ARCN1: variants seen among roughly 807,000 people sequenced by gnomAD.
ARCN1 encodes coatomer subunit delta.
A neutral mutation model predicts 60.4 loss-of-function variants in ARCN1; 5 were observed. That is an observed-to-expected ratio of 0.08 (90% confidence interval 0.04 to 0.17). The LOEUF (loss-of-function observed/expected upper bound fraction) is 0.17. Ranked by LOEUF, ARCN1 falls within the 10% of genes least tolerant of loss-of-function variation. The probability of loss-of-function intolerance (pLI) is 1.00; values close to 1 mark genes in which losing one functional copy is unlikely to be tolerated. For synonymous variants in ARCN1, 224 were observed against 220.0 expected, an observed-to-expected ratio of 1.02 and a Z score of -0.16; for missense variants, 464 against 626.5, an observed-to-expected ratio of 0.74 and a Z score of 2.77.
chr11:118,591,734 T>G (rs1938914658), intron 6 of ARCN1, among the ~76,000 whole-genome samples: 1 of 142,436 alleles, frequency 7.0e-6, no homozygotes, highest in Non-Finnish European at 1.5e-5. Flanking sequence ...TTGTTCTTTT[T>G]TTTGTTTTTT....
chr11:118,580,870 C>T (rs1555074432), intron 1 of ARCN1, among the ~76,000 whole-genome samples: 2 of 152,110 alleles, frequency 1.3e-5, no homozygotes, highest in African/African-American at 2.4e-5. Flanking sequence ...TGGTAGTTCA[C>T]GCCTATAATC....
At chr11:118,594,712 G>A (rs188141749) in intron 8 of ARCN1, among the ~76,000 whole-genome samples, 31 of 152,172 alleles carry the variant, frequency 2.0e-4, no homozygotes, top group African/African-American at 7.0e-4. Flanking sequence ...ATCATGCCCA[G>A]ATAATTTTTG....
Position 118,601,928 on chromosome 11 carries a change from C to T in ARCN1, c.*1214C>T, listed in dbSNP as rs1555078218. On this transcript the variant is annotated 3_prime_UTR_variant, in exon 10 of 10. Coordinates refer to ENST00000264028, the MANE Select transcript of ARCN1 (RefSeq NM_001655.5). Reference sequence around the variant, plus strand: ...CACATTTTGGGTACTTAAGCTAAAACGTAATGGCCACAGTCTGTAATCCAT... The same window carrying T: ...CACATTTTGGGTACTTAAGCTAAAATGTAATGGCCACAGTCTGTAATCCAT... The T allele has an allele frequency of 5.2e-6, 3 of 579,264 alleles. No individual in the cohort carries two copies. Among genetic ancestry groups the T allele is most frequent in the South Asian group, 2.1e-5 (1 of 47,450 alleles). The allele number at this position is 579,264 out of a possible 1,614,324, so 35.9% of individuals were successfully genotyped here.
chr11:118,584,030 C>A lies in ARCN1; in HGVS notation c.653+16C>A, dbSNP rs782263270. 6.2e-6 allele frequency: 10 copies of A among 1,610,784 alleles called. No homozygotes were observed. The highest frequency in any genetic ancestry group is 8.5e-6 in the Non-Finnish European group (10 of 1,177,428). ...CACCAGCCAGGTATAATCCAGTGTA[C>A]TTTAGAATACCAGGTGAAGGGTGTA... On this transcript the variant is annotated intron_variant, in intron 4 of 9. Transcript: ENST00000264028.
Position 118,602,295 on chromosome 11 carries a change from G to C in ARCN1, c.*1581G>C, listed in dbSNP as rs1284980954. ...TGTCATCATGTACTGGTGGTTTCTC[G>C]GTTCCATCTCATCCATTTCCTTTTC... On this transcript the variant is annotated 3_prime_UTR_variant, in exon 10 of 10. Coordinates refer to ENST00000264028, the MANE Select transcript of ARCN1 (RefSeq NM_001655.5). 1 of 153,954 alleles carries C rather than the reference G, an allele frequency of 6.5e-6. No individual in the cohort carries two copies. Among genetic ancestry groups the C allele is most frequent in the East Asian group, 1.9e-4 (1 of 5,210 alleles). The allele number at this position is 153,954 out of a possible 1,614,324, so 9.5% of individuals were successfully genotyped here.
rs1012958741 is a variant in ARCN1 at position 118,572,465 on chromosome 11, G to C, written c.-83G>C. 1 of 1,496,276 alleles carries C rather than the reference G, an allele frequency of 6.7e-7. No individual in the cohort carries two copies. The highest frequency in any genetic ancestry group is 9.2e-7 in the Non-Finnish European group (1 of 1,090,616). 92.7% of individuals were successfully genotyped at this position (1,496,276 alleles called of 1,614,324 possible). On this transcript the variant is annotated 5_prime_UTR_variant, in exon 1 of 10. Transcript: ENST00000264028. ...CTGTCAAGGGGGCAGCAGGTCCAGA[G>C]CTGCTGGTGCTCCCGTTCCCCAGAC...
intron 2 of ARCN1, among the ~76,000 whole-genome samples, chr11:118,581,937 G>GACAGACAGACAC (rs1555074708): frequency 7.1e-6 from 1 of 140,704 alleles, no homozygotes; most frequent in African/African-American, 2.6e-5. Context: ...CAGACAGACA[G>GACAGACAGACAC]ACACACACAC....
intron 8 of ARCN1, among the ~76,000 whole-genome samples, chr11:118,596,555 T>C (rs987047122): frequency 7.2e-5 from 11 of 152,232 alleles, no homozygotes; most frequent in Non-Finnish European, 1.2e-4. Context: ...CTGAAATTGA[T>C]AGGGAAGAGT....
Position 118,599,095 on chromosome 11 carries a change from A to AT in ARCN1, c.1446+1198dup, listed in dbSNP as rs565005021. 2.7e-3 allele frequency among the ~76,000 whole-genome samples: 313 copies of AT among 117,280 alleles called. 3 individuals are homozygous for AT. The highest frequency in any genetic ancestry group is 0.017 in the East Asian group (66 of 3,900). 76.9% of individuals were successfully genotyped at this position (117,280 alleles called of 152,430 possible). A position where few individuals can be genotyped will look rare whatever the true frequency, so the allele number is the denominator to read the frequency against. ...AGGCGTGAACTACCACGCCTGGCGG[A>AT]TTTTTTTTTTTTTTAAGACGGAGTT... On this transcript the variant is annotated intron_variant, in intron 9 of 9. Coordinates refer to ENST00000264028, the MANE Select transcript of ARCN1 (RefSeq NM_001655.5).
At chr11:118,593,982 G>C (rs1555076760) in intron 8 of ARCN1, 2 of 252,876 alleles carry the variant, frequency 7.9e-6, no homozygotes, top group African/African-American at 2.2e-5. Flanking sequence ...GAATGTTCTA[G>C]GACTTGTGTT....
intron 5 of ARCN1, among the ~76,000 whole-genome samples, chr11:118,588,320 T>A (rs932230747): frequency 2.0e-5 from 3 of 152,148 alleles, no homozygotes; most frequent in Non-Finnish European, 4.4e-5. Context: ...TGCCTTGGGC[T>A]GGTGAAAGGA....
intron 8 of ARCN1, among the ~76,000 whole-genome samples, chr11:118,597,475 AAT>A (rs1243496354): frequency 6.6e-6 from 1 of 152,212 alleles, no homozygotes; most frequent in Non-Finnish European, 1.5e-5. Context: ...ATATCTGCCA[AAT>A]ACCTATTTTT....
chr11:118,572,473 T>A lies in ARCN1; in HGVS notation c.-75T>A. 6.5e-7 allele frequency: 1 copy of A among 1,541,502 alleles called. No individual in the cohort carries two copies. The highest frequency in any genetic ancestry group is 8.9e-7 in the Non-Finnish European group (1 of 1,128,188). ...GGGGCAGCAGGTCCAGAGCTGCTGG[T>A]GCTCCCGTTCCCCAGACCCTACCCC... On this transcript the variant is annotated 5_prime_UTR_variant, in exon 1 of 10. Coordinates refer to ENST00000264028, the MANE Select transcript of ARCN1 (RefSeq NM_001655.5).
At chr11:118,597,568 G>T (rs1247851450) in intron 8 of ARCN1, 139 bp from the exon 9 acceptor site, 2 of 484,274 alleles carry the variant, frequency 4.1e-6, no homozygotes, top group East Asian at 7.9e-5. Context: ...GATCCTTGAA[G>T]TTATTAGCCT....
intron 5 of ARCN1, among the ~76,000 whole-genome samples, chr11:118,585,512 G>A (rs964143387): frequency 1.3e-5 from 2 of 151,958 alleles, no homozygotes; most frequent in Non-Finnish European, 2.9e-5. Flanking sequence ...ATCTTTAATA[G>A]CAAATTAATA....
At chr11:118,576,134 G>A (rs1406324635) in intron 1 of ARCN1, among the ~76,000 whole-genome samples, 1 of 151,934 alleles carries the variant, frequency 6.6e-6, no homozygotes, top group African/African-American at 2.4e-5. Context: ...TAGTGGCAAA[G>A]GCAGAACAGA....
At chr11:118,578,199 AT>A (rs2135535391) in intron 1 of ARCN1, among the ~76,000 whole-genome samples, 1 of 151,352 alleles carries the variant, frequency 6.6e-6, no homozygotes, top group East Asian at 1.9e-4. Context: ...AAATAAATAA[AT>A]AAATAAATAA....
intron 8 of ARCN1, among the ~76,000 whole-genome samples, chr11:118,596,586 T>TA (rs1233206906): frequency 2.0e-5 from 3 of 152,210 alleles, no homozygotes; most frequent in African/African-American, 7.2e-5. Flanking sequence ...ATGCCACCCT[T>TA]AAAGTTTACT....
At position 118,573,956 on chromosome 11, in the gene ARCN1, T is replaced by C. The variant is rs186675842; in HGVS notation, c.3+1406T>C. ...AATAATGCATTTTAGAGCATATTTT[T>C]ATTTTAATAGTAAAGTTAAGGTCTT... On this transcript the variant is annotated intron_variant, in intron 1 of 9. Transcript: ENST00000264028. 1.8e-4 allele frequency among the ~76,000 whole-genome samples: 28 copies of C among 152,370 alleles called. No homozygotes were observed. In the East Asian group the frequency reaches 4.6e-3, roughly 25 times the overall value.
Sources: allele counts gnomAD v4.1 joint callset (sites outside exome capture counted in the v4.1 genomes callset), GRCh38; gene constraint gnomAD v4.1.1; transcripts MANE v1.5; gene names NCBI Gene and HGNC (gene_info 2026-07-23, HGNC 2026-07-21).